Variants in MTUS2 observed in about 807,000 individuals in gnomAD.
MTUS2 encodes microtubule associated scaffold protein 2.
A neutral mutation model predicts 114.1 loss-of-function variants in MTUS2; 40 were observed. That is an observed-to-expected ratio of 0.35 (90% CI 0.27 to 0.46). MTUS2 has a LOEUF of 0.46. Among genes scored for constraint, MTUS2 ranks in the 20% least tolerant of loss-of-function variants. MTUS2 has a pLI of 1.00. For missense variants in MTUS2, 1,679 were observed against 1,705.4 expected, an observed-to-expected ratio of 0.98 and a Z score of 0.27; for synonymous variants, 688 against 672.0, an observed-to-expected ratio of 1.02 and a Z score of -0.37.
chr13:29,055,547 C>T (rs560021580), intron 4 of MTUS2, among the ~76,000 whole-genome samples: 3 of 152,162 alleles, frequency 2.0e-5, no homozygotes, highest in Non-Finnish European at 4.4e-5. Flanking sequence ...TAGGCCCTAG[C>T]GTCTGTTCTC....
chr13:29,398,486 A>G (rs570909800), intron 8 of MTUS2, among the ~76,000 whole-genome samples: 89 of 108,438 alleles, frequency 8.2e-4, no homozygotes, highest in African/African-American at 2.6e-3. Flanking sequence ...AAAAAGAAAG[A>G]AAAAGAAAAA....
At chr13:28,875,901 G>A (rs922593944) in intron 2 of MTUS2, among the ~76,000 whole-genome samples, 1 of 152,166 alleles carries the variant, frequency 6.6e-6, no homozygotes, top group Non-Finnish European at 1.5e-5. Flanking sequence ...ATTAAAACCC[G>A]TTTAAAATTT....
rs556087394 is a variant in MTUS2 at position 29,437,033 on chromosome 13, C to A, written c.3118-2950C>A. Among the ~76,000 whole-genome samples the A allele has an allele frequency of 4.6e-5, 7 of 152,178 alleles. No homozygotes were observed. The South Asian group carries it at 1.0e-3, about 23-fold the overall frequency. ...CCTCTCATAGGGCCTTCCAGCCACT[C>A]CTTCCCCACAGGCCTGATTCTTCTG... On this transcript the variant is annotated intron_variant, in intron 8 of 15. Coordinates refer to ENST00000612955, the MANE Select transcript of MTUS2 (RefSeq NM_001033602.4).
At position 28,916,972 on chromosome 13, in the gene MTUS2, A is replaced by G. The variant is rs975799917; in HGVS notation, c.-243+77122A>G. Among the ~76,000 whole-genome samples, 3 of 151,976 alleles carry G rather than the reference A, an allele frequency of 2.0e-5. No homozygotes were observed. In the South Asian group the frequency reaches 6.2e-4, roughly 31 times the overall value. ...CCTCAGTCTTTTGAGGGTTTTTATCATGAAGGGATGTTGAATTTTATCAAA... is the reference window on the plus strand; with the variant it reads ...CCTCAGTCTTTTGAGGGTTTTTATCGTGAAGGGATGTTGAATTTTATCAAA... On this transcript the variant is annotated intron_variant, in intron 2 of 15. Transcript: ENST00000612955.
At chr13:28,897,984 G>A (rs1001923700) in intron 2 of MTUS2, among the ~76,000 whole-genome samples, 3 of 151,794 alleles carry the variant, frequency 2.0e-5, no homozygotes, top group Non-Finnish European at 2.9e-5. Context: ...ACACCAACAC[G>A]GCACATGTAT....
chr13:29,158,358 C>CCCCCCCCTTCTTTTT, intron 5 of MTUS2, among the ~76,000 whole-genome samples: 1 of 32,048 alleles, frequency 3.1e-5, no homozygotes, highest in Non-Finnish European at 5.1e-5. Flanking sequence ...GTCCACCCCG[C>CCCCCCCCTTCTTTTT]TTTTTTTTTT....
At chr13:29,336,736 C>T (rs113129803) in intron 7 of MTUS2, among the ~76,000 whole-genome samples, 11,502 of 152,282 alleles carry the variant, frequency 0.076, 1,380 homozygotes, top group African/African-American at 0.25. Context: ...GCTGAAGCTG[C>T]ACCCACACCT....
At chr13:29,150,460 C>T (rs993685226) in intron 5 of MTUS2, among the ~76,000 whole-genome samples, 1 of 151,976 alleles carries the variant, frequency 6.6e-6, no homozygotes, top group African/African-American at 2.4e-5. Flanking sequence ...AGATACATAC[C>T]TTGCAAATAT....
intron 2 of MTUS2, among the ~76,000 whole-genome samples, chr13:28,924,545 A>G (rs1881223582): frequency 6.6e-6 from 1 of 152,180 alleles, no homozygotes; most frequent in South Asian, 2.1e-4. Context: ...TCATTCCATT[A>G]ATATAAAACA....
intron 2 of MTUS2, among the ~76,000 whole-genome samples, chr13:28,965,506 C>T (rs930463682): frequency 1.4e-4 from 22 of 152,058 alleles, no homozygotes; most frequent in African/African-American, 5.3e-4. Context: ...GAAATGTGTG[C>T]CTGAGCGATT....
At chr13:29,032,757 T>C (rs1318646364) in intron 3 of MTUS2, among the ~76,000 whole-genome samples, 1 of 152,182 alleles carries the variant, frequency 6.6e-6, no homozygotes, top group Non-Finnish European at 1.5e-5. Flanking sequence ...ACAGCTTGGA[T>C]CAAAGCTTTT....
chr13:28,855,603 C>T (rs991440514), intron 2 of MTUS2, among the ~76,000 whole-genome samples: 2 of 152,284 alleles, frequency 1.3e-5, no homozygotes, highest in Middle Eastern at 3.4e-3. Flanking sequence ...AGGACATGAT[C>T]TCATTCCTTT....
intron 2 of MTUS2, among the ~76,000 whole-genome samples, chr13:28,906,231 G>T (rs535265689): frequency 6.6e-6 from 1 of 151,440 alleles, no homozygotes; most frequent in East Asian, 1.9e-4. Flanking sequence ...ATTTTTTGAA[G>T]TGTTTTTTAT....
intron 1 of MTUS2, among the ~76,000 whole-genome samples, chr13:28,828,537 T>G (rs1000226036): frequency 5.9e-5 from 9 of 152,238 alleles, no homozygotes; most frequent in Non-Finnish European, 1.3e-4. Flanking sequence ...TAAGAAATTA[T>G]AAAATTATTA....
intron 5 of MTUS2, among the ~76,000 whole-genome samples, chr13:29,164,854 G>GA (rs1893248786): frequency 6.6e-6 from 1 of 152,158 alleles, no homozygotes; most frequent in South Asian, 2.1e-4. Context: ...AGTAGTAAAT[G>GA]AAAAAAATGA....
chr13:29,390,219 C>T (rs1478539404), intron 8 of MTUS2, among the ~76,000 whole-genome samples: 1 of 150,690 alleles, frequency 6.6e-6, no homozygotes, highest in African/African-American at 2.4e-5. Flanking sequence ...AAGGACTAGA[C>T]ATAAGTAAGA....
At chr13:29,322,821 T>G (rs1900309930) in intron 6 of MTUS2, among the ~76,000 whole-genome samples, 1 of 152,118 alleles carries the variant, frequency 6.6e-6, no homozygotes, top group African/African-American at 2.4e-5. Context: ...GCTGGCATTG[T>G]GGCTGGCAGA....
intron 2 of MTUS2, among the ~76,000 whole-genome samples, chr13:28,998,795 A>AT (rs972331024): frequency 6.6e-6 from 1 of 151,924 alleles, no homozygotes; most frequent in South Asian, 2.1e-4. Context: ...TATTCGTCTA[A>AT]TTTTTTTTCA....
At chr13:29,180,227 A>T (rs1034454369) in intron 5 of MTUS2, among the ~76,000 whole-genome samples, 2 of 152,156 alleles carry the variant, frequency 1.3e-5, no homozygotes, top group African/African-American at 4.8e-5. Context: ...TGGCTGATTG[A>T]TCTCTCCACT....
Sources: allele counts gnomAD v4.1 joint callset (sites outside exome capture counted in the v4.1 genomes callset), GRCh38; gene constraint gnomAD v4.1.1; transcripts MANE v1.5; gene names NCBI Gene and HGNC (gene_info 2026-07-23, HGNC 2026-07-21).